BLTP1: variants seen among roughly 807,000 people sequenced by gnomAD.
BLTP1 encodes the protein bridge-like lipid transfer protein family member 1.
At chr4:122,346,724 C>T in the BLTP1 span, 2 of 1,612,816 alleles carry the variant, frequency 1.2e-6, no homozygotes, top group South Asian at 1.1e-5. Flanking sequence ...TATTGCAAGA[C>T]GTCTATTCCT....
chr4:122,227,014 G>A, the BLTP1 span: 9 of 556,554 alleles, frequency 1.6e-5, no homozygotes, highest in Non-Finnish European at 2.2e-5. Context: ...TAAAATATGA[G>A]ATAATTATTA....
At chr4:122,286,905 CAGA>C in the BLTP1 span, 2 of 837,774 alleles carry the variant, frequency 2.4e-6, no homozygotes, top group South Asian at 1.9e-5. Flanking sequence ...TTTGTTTTCA[CAGA>C]AGAATTCTAT....
At chr4:122,323,788 G>GT in the BLTP1 span, among the ~76,000 whole-genome samples, 2 of 152,024 alleles carry the variant, frequency 1.3e-5, no homozygotes, top group African/African-American at 4.8e-5. Flanking sequence ...GTAATTGACT[G>GT]TTAAAAATAA....
chr4:122,220,441 CT>C, the BLTP1 span: 2 of 1,611,802 alleles, frequency 1.2e-6, no homozygotes, highest in Non-Finnish European at 1.7e-6. Flanking sequence ...CCTGTCACCC[CT>C]GAATGTGTTT....
At chr4:122,186,214 A>C in the BLTP1 span, 2 of 1,610,496 alleles carry the variant, frequency 1.2e-6, no homozygotes, top group Non-Finnish European at 1.7e-6. Flanking sequence ...CCCAATCGAA[A>C]ATTGAAAGGT....
the BLTP1 span, chr4:122,153,968 T>G: frequency 2.0e-6 from 2 of 982,572 alleles, no homozygotes; most frequent in Non-Finnish European, 2.4e-6. Context: ...GAAATGGTTA[T>G]GCTGCTCGTA....
the BLTP1 span, chr4:122,220,396 A>G: frequency 6.2e-7 from 1 of 1,612,752 alleles, no homozygotes; most frequent in Non-Finnish European, 8.5e-7. Context: ...TTTTGAAATG[A>G]AAAAAGGATT....
chr4:122,263,130 G>T, the BLTP1 span: 331,438 of 1,394,712 alleles, frequency 0.24, 41,957 homozygotes, highest in African/African-American at 0.31. Flanking sequence ...GGAATCCATT[G>T]TTCTGTTTGT....
the BLTP1 span, chr4:122,308,098 CTT>C: frequency 6.2e-7 from 1 of 1,613,328 alleles, no homozygotes; most frequent in Admixed American, 1.7e-5. Flanking sequence ...CTTTGGGACT[CTT>C]TTTCTCCAGC....
At chr4:122,261,613 T>C in the BLTP1 span, 2 of 983,102 alleles carry the variant, frequency 2.0e-6, no homozygotes, top group Non-Finnish European at 2.4e-6. Flanking sequence ...TTAACACACC[T>C]TGATTATTAG....
chr4:122,269,949 C>G, the BLTP1 span, among the ~76,000 whole-genome samples: 6 of 152,012 alleles, frequency 3.9e-5, no homozygotes, highest in African/African-American at 1.2e-4. Context: ...TCTTTTTCTC[C>G]TTTATTTGAA....
the BLTP1 span, among the ~76,000 whole-genome samples, chr4:122,156,433 C>T: frequency 3.3e-5 from 5 of 151,984 alleles, no homozygotes; most frequent in Non-Finnish European, 7.4e-5. Flanking sequence ...GTGGAAGAAC[C>T]GAGTTTAGAG....
chr4:122,305,796 A>T, the BLTP1 span: 2 of 1,389,086 alleles, frequency 1.4e-6, no homozygotes, highest in Non-Finnish European at 1.9e-6. Context: ...TTTTTGGTGA[A>T]CAATACCATT....
the BLTP1 span, chr4:122,250,151 TATATA>T: frequency 6.6e-5 from 24 of 365,750 alleles, no homozygotes; most frequent in South Asian, 4.5e-4. Context: ...GGTTTAGTAA[TATATA>T]ATATAGTAAC....
the BLTP1 span, chr4:122,262,599 C>G: frequency 6.0e-6 from 2 of 330,654 alleles, no homozygotes; most frequent in Non-Finnish European, 8.6e-6. Context: ...CATTTAAGGA[C>G]GTATGTAAAA....
At chr4:122,176,944 T>C in the BLTP1 span, among the ~76,000 whole-genome samples, 1 of 152,198 alleles carries the variant, frequency 6.6e-6, no homozygotes, top group South Asian at 2.1e-4. Flanking sequence ...TTAATATGTA[T>C]GAAGTATTCT....
At chr4:122,229,395 C>T in the BLTP1 span, among the ~76,000 whole-genome samples, 1 of 152,084 alleles carries the variant, frequency 6.6e-6, no homozygotes. Context: ...TCCATGTTCT[C>T]TTCCAGTATT....
the BLTP1 span, chr4:122,190,487 G>T: frequency 1.1e-6 from 1 of 899,062 alleles, no homozygotes; most frequent in South Asian, 5.1e-5. Flanking sequence ...TTCTTGCTTA[G>T]CCATCAGGAA....
At chr4:122,316,455 T>TC in the BLTP1 span, 1 of 491,044 alleles carries the variant, frequency 2.0e-6, no homozygotes, top group African/African-American at 2.0e-5. Flanking sequence ...GCCATTCTGT[T>TC]CCTGCAGAGT....
Sources: gnomAD v4.1 joint callset for allele counts (sites outside exome capture counted in the v4.1 genomes callset) on GRCh38, gnomAD v4.1.1 for gene constraint, MANE v1.5 for transcripts, NCBI Gene and HGNC (gene_info 2026-07-23, HGNC 2026-07-21) for gene names.